ZFHX3: variants seen among roughly 807,000 people sequenced by gnomAD.
ZFHX3 encodes zinc finger homeobox 3.
A neutral mutation model predicts 279.1 loss-of-function variants in ZFHX3; 42 were observed. That is an observed-to-expected ratio of 0.15 (90% CI 0.12 to 0.19). ZFHX3 has a LOEUF of 0.19. Ranked by LOEUF, ZFHX3 falls within the 10% of genes least tolerant of loss-of-function variation. The pLI is 1.00. For missense variants in ZFHX3, 4,981 were observed against 4,754.0 expected (o/e 1.05, Z -1.40); for synonymous variants, 2,293 against 1,957.8 (o/e 1.17, Z -4.52).
At chr16:73,540,206 C>A (rs140848433) in intron 2 of ZFHX3, among the ~76,000 whole-genome samples, 70 of 152,334 alleles carry the variant, frequency 4.6e-4, no homozygotes, top group Non-Finnish European at 8.7e-4. Context: ...AGGAAAACGT[C>A]TTTAGCAGGC....
chr16:73,549,672 T>C (rs901962359), intron 2 of ZFHX3, among the ~76,000 whole-genome samples: 2 of 152,224 alleles, frequency 1.3e-5, no homozygotes, highest in African/African-American at 4.8e-5. Flanking sequence ...CCTATGCATA[T>C]GGTTTTGTCA....
At chr16:73,104,091 G>C (rs17620925) in intron 7 of ZFHX3, among the ~76,000 whole-genome samples, 1 of 151,778 alleles carries the variant, frequency 6.6e-6, no homozygotes, top group East Asian at 2.0e-4. Flanking sequence ...GAAATGCACC[G>C]ATCTCCATCC....
At chr16:72,954,151 C>A (rs1961131433) in intron 2 of ZFHX3, among the ~76,000 whole-genome samples, 1 of 152,164 alleles carries the variant, frequency 6.6e-6, no homozygotes. Context: ...GGGCAGATCA[C>A]CTGAGGTCAG....
intron 2 of ZFHX3, among the ~76,000 whole-genome samples, chr16:73,658,864 A>T (rs1168670146): frequency 1.3e-5 from 2 of 152,160 alleles, no homozygotes; most frequent in African/African-American, 4.8e-5. Flanking sequence ...AAAATTTCCA[A>T]TTTTGGTATT....
intron 3 of ZFHX3, among the ~76,000 whole-genome samples, chr16:73,372,638 T>C (rs1480586013): frequency 6.6e-6 from 1 of 152,208 alleles, no homozygotes; most frequent in African/African-American, 2.4e-5. Context: ...GAAATGTAAA[T>C]TTCAGCGATG....
chr16:72,788,594 G>T lies in ZFHX3; in HGVS notation c.9682C>A (p.Gln3228Lys), dbSNP rs2035561109. The change falls in exon 10 of 10, where the codon CAG (glutamine) becomes AAG (lysine). Residue 3228 changes from glutamine to lysine, a missense_variant. Transcript: ENST00000268489. ...PPPTPQLPLQ[Q>K]QQQRKDKDSE... ...TCTTTGTCCTTGCGTTGCTGCTGCTGTTGCAGTGGGAGCTGTGGTGTGGGT... is the reference window on the plus strand; with the variant it reads ...TCTTTGTCCTTGCGTTGCTGCTGCTTTTGCAGTGGGAGCTGTGGTGTGGGT... 6.2e-7 allele frequency: 1 copy of T among 1,613,546 alleles called. No individual in the cohort carries two copies. Among genetic ancestry groups the T allele is most frequent in the African/African-American group, 1.3e-5 (1 of 74,894 alleles).
intron 7 of ZFHX3, among the ~76,000 whole-genome samples, chr16:73,124,788 C>T (rs1256817024): frequency 6.6e-6 from 1 of 152,072 alleles, no homozygotes; most frequent in Non-Finnish European, 1.5e-5. Flanking sequence ...GGCATGGTGA[C>T]GAGAAGCTGG....
intron 5 of ZFHX3, among the ~76,000 whole-genome samples, chr16:73,241,885 T>A (rs1251583902): frequency 1.3e-5 from 2 of 150,010 alleles, no homozygotes; most frequent in Non-Finnish European, 3.0e-5. Context: ...AGGATCAGAA[T>A]CTCTGCTCTC....
intron 1 of ZFHX3, among the ~76,000 whole-genome samples, chr16:73,816,994 G>A (rs1441776035): frequency 1.3e-5 from 2 of 152,196 alleles, no homozygotes; most frequent in East Asian, 1.9e-4. Context: ...CACATCCCAG[G>A]AGCCATGGGA....
chr16:73,118,296 A>G (rs769600314), intron 7 of ZFHX3, among the ~76,000 whole-genome samples: 1 of 152,026 alleles, frequency 6.6e-6, no homozygotes, highest in Non-Finnish European at 1.5e-5. Flanking sequence ...GCAACCTCCA[A>G]CTCCTAGGTT....
At chr16:73,160,795 C>CTT (rs1967215724) in intron 5 of ZFHX3, among the ~76,000 whole-genome samples, 1 of 132,900 alleles carries the variant, frequency 7.5e-6, no homozygotes, top group African/African-American at 2.9e-5. Flanking sequence ...TTTTTTTAGA[C>CTT]AGGATTTACA....
At chr16:73,689,817 G>GTTTT (rs1302264428) in intron 1 of ZFHX3, among the ~76,000 whole-genome samples, 3 of 141,306 alleles carry the variant, frequency 2.1e-5, no homozygotes, top group African/African-American at 5.3e-5. Context: ...TTTGTTTTTT[G>GTTTT]TTTTTTTTGT....
chr16:73,315,091 G>A (rs1391915939), intron 4 of ZFHX3, among the ~76,000 whole-genome samples: 2 of 152,038 alleles, frequency 1.3e-5, no homozygotes, highest in African/African-American at 4.8e-5. Flanking sequence ...AGTTGGATGT[G>A]GTGGGGTGCA....
At chr16:73,254,872 A>C (rs2013617888) in intron 5 of ZFHX3, among the ~76,000 whole-genome samples, 1 of 151,146 alleles carries the variant, frequency 6.6e-6, no homozygotes, top group African/African-American at 2.5e-5. Flanking sequence ...TACTGAGGAA[A>C]GAGGTCTCCA....
chr16:73,772,329 C>T (rs1017271571), intron 1 of ZFHX3, among the ~76,000 whole-genome samples: 7 of 152,174 alleles, frequency 4.6e-5, no homozygotes, highest in South Asian at 4.1e-4. Context: ...TCACATCTTA[C>T]GTGGATGGCA....
At chr16:73,305,174 G>A (rs1207059889) in intron 4 of ZFHX3, among the ~76,000 whole-genome samples, 4 of 152,206 alleles carry the variant, frequency 2.6e-5, no homozygotes, top group African/African-American at 9.6e-5. Flanking sequence ...CATGAGGCGG[G>A]GTGGCCAGGT....
At chr16:72,985,821 C>A (rs954562514) in intron 1 of ZFHX3, among the ~76,000 whole-genome samples, 7 of 152,030 alleles carry the variant, frequency 4.6e-5, no homozygotes, top group African/African-American at 1.7e-4. Context: ...GCTCTGCCGG[C>A]AGAGCAGGGG....
At chr16:73,017,046 C>G (rs1427506880) in intron 1 of ZFHX3, among the ~76,000 whole-genome samples, 1 of 151,928 alleles carries the variant, frequency 6.6e-6, no homozygotes, top group African/African-American at 2.4e-5. Context: ...GGCAATATGG[C>G]AAGACCTCAT....
chr16:73,145,091 C>T (rs1246808603), intron 5 of ZFHX3, among the ~76,000 whole-genome samples: 2 of 152,214 alleles, frequency 1.3e-5, no homozygotes, highest in African/African-American at 2.4e-5. Flanking sequence ...GTTTGTACAT[C>T]GTCCTGTGGT....
Sources: allele counts gnomAD v4.1 joint callset (sites outside exome capture counted in the v4.1 genomes callset), GRCh38; gene constraint gnomAD v4.1.1; transcripts MANE v1.5; gene names NCBI Gene and HGNC (gene_info 2026-07-23, HGNC 2026-07-21).